Variants in MICU3 observed in about 807,000 individuals in gnomAD.
MICU3 encodes mitochondrial calcium uptake 3, also known as calcium uptake protein 3, mitochondrial.
In MICU3, 62 loss-of-function variants were observed where a neutral mutation model predicts 66.5. The ratio of observed to expected loss-of-function variants is 0.93; its 90% CI spans 0.76 to 1.15. The LOEUF is 1.15. MICU3 is among the 50% of genes most tolerant of loss of function. MICU3 has a pLI of 0.00. For missense variants in MICU3, 779 were observed against 664.4 expected (o/e 1.17, Z -1.90); for synonymous variants, 308 against 240.7 (o/e 1.28, Z -2.59).
intron 13 of MICU3, among the ~76,000 whole-genome samples, chr8:17,118,264 C>T (rs1035748479): frequency 1.3e-5 from 2 of 151,720 alleles, no homozygotes; most frequent in Non-Finnish European, 2.9e-5. Context: ...TACATTTGCC[C>T]TTTTTTTAAT....
intron 13 of MICU3, among the ~76,000 whole-genome samples, chr8:17,118,412 C>T (rs1429470916): frequency 6.6e-6 from 1 of 152,038 alleles, no homozygotes; most frequent in African/African-American, 2.4e-5. Context: ...ATTGTGAGAA[C>T]ATTTTAAATG....
chr8:17,077,969 A>T, intron 4 of MICU3, 108 bp downstream of exon 4: 1 of 546,126 alleles, frequency 1.8e-6, no homozygotes. Flanking sequence ...ATCTATGTGT[A>T]TGCATAGAGA....
chr8:17,109,841 A>G (rs1802042840), intron 11 of MICU3, among the ~76,000 whole-genome samples: 1 of 152,206 alleles, frequency 6.6e-6, no homozygotes, highest in South Asian at 2.1e-4. Context: ...TCTCATACTA[A>G]CCATGTAATG....
chr8:17,069,842 A>T (rs908002660), intron 3 of MICU3, 123 bp downstream of exon 3: 4 of 289,424 alleles, frequency 1.4e-5, no homozygotes, highest in Non-Finnish European at 2.4e-5. Flanking sequence ...ATTTTTTGGC[A>T]AATCAAATCA....
intron 12 of MICU3, 147 bp from the exon 13 acceptor site, chr8:17,116,296 A>G (rs2150836846): frequency 2.0e-6 from 1 of 490,086 alleles, no homozygotes; most frequent in Non-Finnish European, 3.4e-6. Flanking sequence ...TTCATTACCT[A>G]AAAGACAGCA....
rs773398520 is a variant in MICU3 at position 17,064,184 on chromosome 8, T to G, written c.482T>G (p.Leu161Ter). 1 of 1,613,042 alleles carries G rather than the reference T, an allele frequency of 6.2e-7. No homozygotes were observed. The highest frequency in any genetic ancestry group is 8.5e-7 in the Non-Finnish European group (1 of 1,179,292). ...LFASIECEGQ[L>*]FMTPYDFILA... ...GCTTCTATAGAATGTGAAGGGCAGT[T>G]ATTCATGACTCCGTATGATTTTATT... Residue 161 changes from leucine to a stop codon, truncating the protein, a stop_gained, in exon 2 of 15, where the codon TTA becomes TGA. Coordinates refer to ENST00000318063, the MANE Select transcript of MICU3 (RefSeq NM_181723.3). LOFTEE classifies it high-confidence loss of function.
intron 9 of MICU3, among the ~76,000 whole-genome samples, chr8:17,099,597 T>C (rs1801082429): frequency 1.3e-5 from 2 of 151,850 alleles, no homozygotes; most frequent in South Asian, 4.1e-4. Context: ...GTGATGTAAT[T>C]ATGACCAACA....
chr8:17,080,265 C>G (rs970340988), intron 4 of MICU3, among the ~76,000 whole-genome samples: 1 of 151,810 alleles, frequency 6.6e-6, no homozygotes, highest in Non-Finnish European at 1.5e-5. Flanking sequence ...ATTTTTCTTC[C>G]CTGTGGTTTA....
chr8:17,083,152 G>A (rs1328167168), intron 5 of MICU3, among the ~76,000 whole-genome samples: 1 of 152,080 alleles, frequency 6.6e-6, no homozygotes, highest in African/African-American at 2.4e-5. Flanking sequence ...TGAAATCATA[G>A]GGAGTTGAAG....
At chr8:17,087,884 T>C (rs1289580155) in intron 7 of MICU3, among the ~76,000 whole-genome samples, 2 of 152,064 alleles carry the variant, frequency 1.3e-5, no homozygotes, top group East Asian at 3.9e-4. Context: ...ATACAGTGAA[T>C]TTTGTTGGCA....
the MICU3 span, chr8:17,131,577 G>A: frequency 0.046 from 7,085 of 152,466 alleles, 201 homozygotes; most frequent in Non-Finnish European, 0.067. Context: ...GTGGGGAGCA[G>A]TGACTTGGTT....
rs757385684 is a variant in MICU3 at position 17,027,254 on chromosome 8, C to T, written c.-26C>T. 3 of 1,296,004 alleles carry T rather than the reference C, an allele frequency of 2.3e-6. No individual in the cohort carries two copies. The highest frequency in any genetic ancestry group is 2.0e-6 in the Non-Finnish European group (2 of 1,003,162). 80.3% of individuals were successfully genotyped at this position (1,296,004 alleles called of 1,614,324 possible). On this transcript the variant is annotated 5_prime_UTR_variant, in exon 1 of 15. Transcript: ENST00000318063. ...CGCCCCTCCGTTCTCTGCCCCCTCC[C>T]AGCTCTGGTGTGGGCGGCCTCCGCT...
At chr8:17,068,199 A>T (rs1819012540) in intron 2 of MICU3, among the ~76,000 whole-genome samples, 1 of 152,202 alleles carries the variant, frequency 6.6e-6, no homozygotes, top group African/African-American at 2.4e-5. Flanking sequence ...GTAACTTCAT[A>T]TGAAATAAGG....
At chr8:17,047,848 A>C (rs1416325083) in intron 1 of MICU3, among the ~76,000 whole-genome samples, 1 of 152,238 alleles carries the variant, frequency 6.6e-6, no homozygotes, top group Non-Finnish European at 1.5e-5. Flanking sequence ...AATTAACATA[A>C]AAAGGGGTGA....
chr8:17,065,652 A>G (rs1334830173), intron 2 of MICU3, among the ~76,000 whole-genome samples: 1 of 152,218 alleles, frequency 6.6e-6, no homozygotes, highest in Non-Finnish European at 1.5e-5. Flanking sequence ...GTGCAGTGTT[A>G]CTGAGAATTC....
chr8:17,091,459 T>A (rs996205620), intron 8 of MICU3, among the ~76,000 whole-genome samples: 2 of 152,104 alleles, frequency 1.3e-5, no homozygotes, highest in Non-Finnish European at 2.9e-5. Context: ...GTATTCTAGT[T>A]GTAGTGTACA....
At chr8:17,138,637 C>T in the MICU3 span, among the ~76,000 whole-genome samples, 5 of 152,228 alleles carry the variant, frequency 3.3e-5, no homozygotes, top group South Asian at 4.1e-4. Flanking sequence ...GTCACTGAGA[C>T]GGCTCTCACC....
intron 1 of MICU3, among the ~76,000 whole-genome samples, chr8:17,035,848 A>G (rs749795705): frequency 1.6e-4 from 25 of 152,326 alleles, no homozygotes; most frequent in Non-Finnish European, 3.4e-4. Flanking sequence ...AGAAATTTGC[A>G]AAAGTAAGGA....
At chr8:17,040,694 C>T (rs1482418819) in intron 1 of MICU3, among the ~76,000 whole-genome samples, 1 of 152,134 alleles carries the variant, frequency 6.6e-6, no homozygotes, top group African/African-American at 2.4e-5. Context: ...GTATTAGTGG[C>T]TGGTCAAATG....
Sources: gnomAD v4.1 joint callset for allele counts (sites outside exome capture counted in the v4.1 genomes callset) on GRCh38, gnomAD v4.1.1 for gene constraint, MANE v1.5 for transcripts, NCBI Gene and HGNC (gene_info 2026-07-23, HGNC 2026-07-21) for gene names.